Variants in HHLA2 observed in about 807,000 individuals in gnomAD.
HHLA2 encodes HHLA2 member of B7 family, also known as HERV-H LTR-associating protein 2.
Under a neutral mutation model 45.9 loss-of-function variants are expected in HHLA2, and 48 were observed. That is an observed-to-expected ratio of 1.05 (90% CI 0.83 to 1.33). The LOEUF (loss-of-function observed/expected upper bound fraction) is 1.33. Ranked by LOEUF, HHLA2 falls within the 40% of genes most tolerant of loss-of-function variation. HHLA2 has a pLI of 0.00. For synonymous variants in HHLA2, 161 were observed against 173.9 expected, an observed-to-expected ratio of 0.93 and a Z score of 0.59; for missense variants, 462 against 494.3, an observed-to-expected ratio of 0.93 and a Z score of 0.62.
At chr3:108,315,139 AG>A (rs1366015488) in intron 2 of HHLA2, among the ~76,000 whole-genome samples, 2 of 152,318 alleles carry the variant, frequency 1.3e-5, no homozygotes, top group South Asian at 4.1e-4. Flanking sequence ...ATTAAATTCA[AG>A]GGGGCTCAGC....
At chr3:108,344,118 A>AT (rs991887559) in intron 3 of HHLA2, among the ~76,000 whole-genome samples, 4 of 145,896 alleles carry the variant, frequency 2.7e-5, no homozygotes, top group African/African-American at 1.0e-4. Flanking sequence ...AAACCTAAAC[A>AT]TAAAAGTCCA....
intron 1 of HHLA2, among the ~76,000 whole-genome samples, chr3:108,305,221 A>C (rs1560181768): frequency 6.6e-6 from 1 of 152,160 alleles, no homozygotes; most frequent in Non-Finnish European, 1.5e-5. Context: ...CTGATGCTTT[A>C]TTTGGGAGGT....
chr3:108,358,235 T>C (rs2081932369), intron 7 of HHLA2, 74 bp downstream of exon 6: 3 of 1,062,430 alleles, frequency 2.8e-6, no homozygotes, highest in Non-Finnish European at 1.4e-6. Flanking sequence ...AAGAGAAAAT[T>C]AGGTTGACTT....
At chr3:108,361,119 G>C (rs2081977573) in intron 7 of HHLA2, among the ~76,000 whole-genome samples, 1 of 152,124 alleles carries the variant, frequency 6.6e-6, no homozygotes, top group African/African-American at 2.4e-5. Flanking sequence ...AACAATTCTA[G>C]TCCTGACCAA....
At chr3:108,371,595 G>C (rs1190487402) in intron 8 of HHLA2, among the ~76,000 whole-genome samples, 1 of 152,142 alleles carries the variant, frequency 6.6e-6, no homozygotes, top group Admixed American at 6.5e-5. Flanking sequence ...CACGTGCAGA[G>C]ACACACATAG....
intron 8 of HHLA2, among the ~76,000 whole-genome samples, chr3:108,364,268 T>G (rs902148076): frequency 1.3e-5 from 2 of 152,164 alleles, no homozygotes; most frequent in African/African-American, 4.8e-5. Flanking sequence ...CTTGTGATAG[T>G]TTGCTGAGAA....
In HHLA2 at chr3:108,357,993, C is replaced by CA. The variant is rs575272755; in HGVS notation, c.839dup (p.Asn280LysfsTer6). The CA allele has an allele frequency of 3.7e-6, 6 of 1,613,664 alleles. No individual in the cohort carries two copies. Among genetic ancestry groups the CA allele is most frequent in the Non-Finnish European group, 5.1e-6 (6 of 1,179,732 alleles). ...CCTGGCTTACTATCTGAGCTCCTCA[C>CA]AAAATACAATTATCAATGAATCCCG... On this transcript the variant is annotated frameshift_variant, in exon 7 of 11. Coordinates refer to ENST00000619531, the Ensembl canonical transcript of HHLA2. LOFTEE classifies it high-confidence loss of function.
intron 2 of HHLA2, among the ~76,000 whole-genome samples, chr3:108,312,240 A>G (rs1327848635): frequency 2.0e-5 from 3 of 152,178 alleles, no homozygotes. Context: ...TGTTACTGCT[A>G]ATTTCTGGAT....
intron 7 of HHLA2, among the ~76,000 whole-genome samples, chr3:108,360,248 TG>T (rs370787056): frequency 1.3e-5 from 2 of 152,290 alleles, no homozygotes; most frequent in East Asian, 3.9e-4. Flanking sequence ...TCAAATTTAA[TG>T]CCATTTCCAT....
At chr3:108,349,337 A>G (rs1318184401) in intron 3 of HHLA2, among the ~76,000 whole-genome samples, 2 of 152,240 alleles carry the variant, frequency 1.3e-5, no homozygotes, top group East Asian at 3.8e-4. Flanking sequence ...ACAGAAATAC[A>G]AACTACCATC....
At chr3:108,335,415 T>C (rs2081454891) in intron 3 of HHLA2, among the ~76,000 whole-genome samples, 1 of 152,102 alleles carries the variant, frequency 6.6e-6, no homozygotes, top group South Asian at 2.1e-4. Context: ...TGACTATAAG[T>C]AGATTTTGCA....
Position 108,357,835 on chromosome 3 carries a change from T to G in HHLA2, c.686-9T>G, listed in dbSNP as rs374055376. ...TTCATTGATGTTTTCTTTTCTATTG[T>G]GTTGTTAGATGGCCTTCATAAAATG... On this transcript the variant is annotated splice_polypyrimidine_tract_variant and intron_variant, in intron 6 of 10. Transcript: ENST00000619531. The G allele has an allele frequency of 1.3e-6, 2 of 1,587,626 alleles. No individual in the cohort carries two copies. Among genetic ancestry groups the G allele is most frequent in the South Asian group, 2.3e-5 (2 of 87,642 alleles).
intron 8 of HHLA2, among the ~76,000 whole-genome samples, chr3:108,371,099 G>T (rs1233772629): frequency 6.6e-6 from 1 of 152,224 alleles, no homozygotes; most frequent in Non-Finnish European, 1.5e-5. Context: ...TACCCACAAA[G>T]GGAAGCCCAT....
intron 1 of HHLA2, among the ~76,000 whole-genome samples, chr3:108,306,271 T>C (rs991820776): frequency 6.6e-6 from 1 of 152,238 alleles, no homozygotes; most frequent in African/African-American, 2.4e-5. Context: ...CCCATCTTAG[T>C]GTCTGCTTCT....
chr3:108,376,690 C>T, intron 10 of HHLA2, 133 bp downstream of exon 9: 1 of 705,798 alleles, frequency 1.4e-6, no homozygotes, highest in Non-Finnish European at 2.4e-6. Context: ...GCAGGGGTTG[C>T]AGGATAATAT....
intron 6 of HHLA2, among the ~76,000 whole-genome samples, 164 bp from the exon 6 acceptor site, chr3:108,357,680 C>CTT (rs2081918894): frequency 6.6e-6 from 1 of 152,132 alleles, no homozygotes; most frequent in African/African-American, 2.4e-5. Context: ...GGTAGTAAAA[C>CTT]TTGTCTTTTA....
At chr3:108,298,483 AG>A (rs2080798928) in intron 1 of HHLA2, among the ~76,000 whole-genome samples, 1 of 152,212 alleles carries the variant, frequency 6.6e-6, no homozygotes, top group Admixed American at 6.5e-5. Context: ...TAAAGTTTCC[AG>A]TATATATTTG....
chr3:108,370,846 T>G (rs2082157255), intron 8 of HHLA2, among the ~76,000 whole-genome samples: 1 of 152,140 alleles, frequency 6.6e-6, no homozygotes, highest in Non-Finnish European at 1.5e-5. Flanking sequence ...TAAATCTACG[T>G]CTGATTGGTG....
exon 6 of HHLA2, chr3:108,355,355 C>T: frequency 1.2e-6 from 2 of 1,613,770 alleles, no homozygotes; most frequent in Non-Finnish European, 1.7e-6. Context: ...CTGAAGCAAA[C>T]ATGGACAGGG....
Sources: allele counts gnomAD v4.1 joint callset (sites outside exome capture counted in the v4.1 genomes callset), GRCh38; gene constraint gnomAD v4.1.1; transcripts MANE v1.5; gene names NCBI Gene and HGNC (gene_info 2026-07-23, HGNC 2026-07-21).